The following ADGRV1 variants were observed in gnomAD, a reference collection of about 807,000 sequenced individuals.
ADGRV1 encodes the protein G-protein coupled receptor 98.
ADGRV1 carries 359 observed loss-of-function variants against 596.2 expected under a neutral mutation model. That is an observed-to-expected ratio of 0.60 (90% CI 0.55 to 0.66). The LOEUF (loss-of-function observed/expected upper bound fraction) is 0.66, where lower values mean the gene tolerates loss of function less well. ADGRV1 is among the 30% of genes least tolerant of loss of function. The probability of loss-of-function intolerance (pLI) is 0.00; values close to 1 mark genes in which losing one functional copy is unlikely to be tolerated. For missense variants in ADGRV1, 7,274 were observed against 7,575.6 expected, an observed-to-expected ratio of 0.96 and a Z score of 1.48; for synonymous variants, 2,681 against 2,679.2, an observed-to-expected ratio of 1.00 and a Z score of -0.02.
At chr5:90,940,652 C>T (rs1776096667) in intron 83 of ADGRV1, among the ~76,000 whole-genome samples, 1 of 152,016 alleles carries the variant, frequency 6.6e-6, no homozygotes, top group Admixed American at 6.5e-5. Flanking sequence ...TGCATGGAAG[C>T]AAAAAGCCTT....
chr5:90,985,151 T>C (rs1481640237), intron 84 of ADGRV1, among the ~76,000 whole-genome samples, 193 bp from the exon 85 acceptor site: 1 of 152,196 alleles, frequency 6.6e-6, no homozygotes, highest in Non-Finnish European at 1.5e-5. Context: ...AATTTTGAGG[T>C]ATCCTGAATT....
chr5:91,022,692 T>C (rs1783739047), intron 85 of ADGRV1, among the ~76,000 whole-genome samples: 1 of 152,238 alleles, frequency 6.6e-6, no homozygotes, highest in African/African-American at 2.4e-5. Flanking sequence ...TCATAAATCT[T>C]TCAAGTGTTA....
At chr5:90,976,047 T>C (rs1017820677) in intron 84 of ADGRV1, among the ~76,000 whole-genome samples, 3 of 151,846 alleles carry the variant, frequency 2.0e-5, no homozygotes, top group African/African-American at 7.3e-5. Context: ...AAAAAGTACA[T>C]CTTTTTCTCA....
chr5:90,975,865 AAT>A (rs533511747), intron 84 of ADGRV1, among the ~76,000 whole-genome samples: 72 of 152,176 alleles, frequency 4.7e-4, no homozygotes, highest in African/African-American at 1.6e-3. Context: ...ATAAAAAAAA[AAT>A]AATAAGGCAG....
chr5:90,624,631 T>C (rs1764502549), intron 5 of ADGRV1, among the ~76,000 whole-genome samples: 1 of 152,196 alleles, frequency 6.6e-6, no homozygotes, highest in South Asian at 2.1e-4. Flanking sequence ...TTATCATTTA[T>C]TCCCTTCCTT....
chr5:90,892,199 C>T (rs1235047149), intron 83 of ADGRV1, among the ~76,000 whole-genome samples: 2 of 151,956 alleles, frequency 1.3e-5, no homozygotes, highest in Admixed American at 6.6e-5. Context: ...GTGAGGTCAC[C>T]TTTCCATCAT....
At chr5:90,634,177 T>C (rs1765848765) in intron 9 of ADGRV1, among the ~76,000 whole-genome samples, 1 of 152,212 alleles carries the variant, frequency 6.6e-6, no homozygotes, top group Non-Finnish European at 1.5e-5. Flanking sequence ...GTGAACACTG[T>C]GTGCATTGAT....
At chr5:90,827,011 A>G (rs578024316) in intron 76 of ADGRV1, among the ~76,000 whole-genome samples, 10 of 152,196 alleles carry the variant, frequency 6.6e-5, no homozygotes, top group Non-Finnish European at 1.2e-4. Flanking sequence ...ACAACTTAGG[A>G]AGCATGCTCT....
At chr5:91,079,661 G>A (rs892385708) in intron 86 of ADGRV1, among the ~76,000 whole-genome samples, 8 of 152,154 alleles carry the variant, frequency 5.3e-5, no homozygotes, top group African/African-American at 1.9e-4. Flanking sequence ...TAGCCAAGAA[G>A]GAAAAGGGGC....
chr5:91,019,881 G>T (rs1343795920), intron 85 of ADGRV1, among the ~76,000 whole-genome samples: 1 of 151,864 alleles, frequency 6.6e-6, no homozygotes, highest in Non-Finnish European at 1.5e-5. Flanking sequence ...TCATACATTT[G>T]TTTAACTATT....
intron 10 of ADGRV1, among the ~76,000 whole-genome samples, chr5:90,637,223 T>C (rs1766327875): frequency 6.6e-6 from 1 of 152,156 alleles, no homozygotes; most frequent in Admixed American, 6.6e-5. Context: ...TTTATTTCTG[T>C]GGTATTTATC....
chr5:91,016,602 T>C (rs1163192917), intron 85 of ADGRV1, among the ~76,000 whole-genome samples: 1 of 151,930 alleles, frequency 6.6e-6, no homozygotes, highest in African/African-American at 2.4e-5. Flanking sequence ...CTACCAAAGG[T>C]CAGATTGATG....
intron 82 of ADGRV1, among the ~76,000 whole-genome samples, chr5:90,860,723 A>T (rs964544938): frequency 6.9e-5 from 7 of 102,174 alleles, no homozygotes; most frequent in South Asian, 3.3e-4. Context: ...GTGGTATAAT[A>T]AAAAAAAAAA....
rs1396120990 is a variant in ADGRV1, at chr5:90,595,903, C to T, written c.23-18932C>T. On this transcript the variant is annotated intron_variant, in intron 1 of 89. Transcript: ENST00000405460. ...GGCGGGGGGCTGACCCCCCCCACCT[C>T]CCTCCCGGATGGGGTGGCTGCCGGG... 1.5e-5 allele frequency among the ~76,000 whole-genome samples: 2 copies of T among 130,984 alleles called. 1 individual carries two copies. Among genetic ancestry groups the T allele is most frequent in the East Asian group, 4.0e-4 (2 of 5,048 alleles). The allele number at this position is 130,984 out of a possible 152,430, so 85.9% of individuals were successfully genotyped here. A position where few individuals can be genotyped will look rare whatever the true frequency, so the allele number is the denominator to read the frequency against.
chr5:90,752,123 G>A (rs1755332180), intron 53 of ADGRV1, among the ~76,000 whole-genome samples: 3 of 152,134 alleles, frequency 2.0e-5, no homozygotes. Context: ...CTTTGTAGTA[G>A]AATTGTGCTA....
At chr5:91,138,447 G>A (rs1161768755) in intron 87 of ADGRV1, among the ~76,000 whole-genome samples, 1 of 151,990 alleles carries the variant, frequency 6.6e-6, no homozygotes, top group Non-Finnish European at 1.5e-5. Context: ...TTGAGTCTTA[G>A]TGTTTTGCTA....
At chr5:91,150,500 T>G (rs1795963231) in intron 88 of ADGRV1, among the ~76,000 whole-genome samples, 1 of 152,214 alleles carries the variant, frequency 6.6e-6, no homozygotes, top group Non-Finnish European at 1.5e-5. Flanking sequence ...CAGTTTGTGT[T>G]GGGAAATCAG....
intron 21 of ADGRV1, among the ~76,000 whole-genome samples, chr5:90,668,811 A>T (rs1580673112): frequency 6.6e-6 from 1 of 152,234 alleles, no homozygotes; most frequent in Non-Finnish European, 1.5e-5. Flanking sequence ...GAAAATATTC[A>T]GGAAGCTATA....
At chr5:90,663,141 T>C (rs914461992) in intron 21 of ADGRV1, among the ~76,000 whole-genome samples, 2 of 150,142 alleles carry the variant, frequency 1.3e-5, no homozygotes, top group Non-Finnish European at 1.5e-5. Context: ...ATGGGATGGC[T>C]GGGTCAAATG....
Sources: allele counts gnomAD v4.1 joint callset (sites outside exome capture counted in the v4.1 genomes callset), GRCh38; gene constraint gnomAD v4.1.1; transcripts MANE v1.5; gene names NCBI Gene and HGNC (gene_info 2026-07-23, HGNC 2026-07-21).